The following MAST4 variants were observed in gnomAD, a reference collection of about 807,000 sequenced individuals.
The protein encoded by MAST4 is microtubule associated serine/threonine kinase family member 4, also known as microtubule-associated serine/threonine-protein kinase 4.
In MAST4, 89 loss-of-function variants were observed where a neutral mutation model predicts 162.7. The ratio of observed to expected loss-of-function variants is 0.55; its 90% CI spans 0.46 to 0.65. The LOEUF (loss-of-function observed/expected upper bound fraction) is 0.65. Ranked by LOEUF, MAST4 falls within the 30% of genes least tolerant of loss-of-function variation. MAST4 has a pLI of 0.00. For synonymous variants in MAST4, 1,479 were observed against 1,361.1 expected (o/e 1.09, Z -1.91); for missense variants, 3,153 against 3,374.0 (o/e 0.93, Z 1.62).
intron 6 of MAST4, chr5:67,094,118 T>C: frequency 7.2e-7 from 1 of 1,384,160 alleles, no homozygotes; most frequent in Non-Finnish European, 9.9e-7. Flanking sequence ...TTCTTTTTTT[T>C]AACATACTTG....
chr5:66,884,288 G>C (rs1437635119), intron 3 of MAST4, among the ~76,000 whole-genome samples: 1 of 152,126 alleles, frequency 6.6e-6, no homozygotes, highest in African/African-American at 2.4e-5. Flanking sequence ...AATCCTTTAA[G>C]CTATTTTTAA....
intron 4 of MAST4, among the ~76,000 whole-genome samples, chr5:66,983,151 C>G (rs73766114): frequency 0.026 from 4,014 of 152,304 alleles, 189 homozygotes; most frequent in African/African-American, 0.086. Context: ...TTGTGCTCAT[C>G]ATACCTATAT....
chr5:66,917,494 A>C (rs957904434), intron 4 of MAST4: 4 of 152,196 alleles, frequency 2.6e-5, no homozygotes, highest in Non-Finnish European at 5.9e-5. Flanking sequence ...GTCCACCCCA[A>C]GGTCATGCAG....
intron 1 of MAST4, among the ~76,000 whole-genome samples, chr5:66,657,612 C>T (rs1746635720): frequency 6.6e-6 from 1 of 152,174 alleles, no homozygotes; most frequent in Admixed American, 6.5e-5. Flanking sequence ...GAATTTGCTT[C>T]TGTAAATGTA....
intron 1 of MAST4, among the ~76,000 whole-genome samples, chr5:66,664,900 GACTC>G (rs1485055626): frequency 2.0e-5 from 3 of 152,178 alleles, no homozygotes; most frequent in Non-Finnish European, 4.4e-5. Flanking sequence ...AGGAAGATTA[GACTC>G]ACCTGAAAAG....
chr5:67,150,538 T>A (rs1311255300), intron 24 of MAST4, among the ~76,000 whole-genome samples: 1 of 152,186 alleles, frequency 6.6e-6, no homozygotes, highest in Non-Finnish European at 1.5e-5. Context: ...GTGTGACTCT[T>A]CATAAGCTGA....
In MAST4 at chr5:67,166,314, T is replaced by A. The variant is rs779889009; in HGVS notation, c.7135T>A (p.Tyr2379Asn). ...AEGKKCTEAL[Y>N]APAEGDKLEA... ...AGGGAAGAAATGCACTGAAGCACTT[T>A]ATGCTCCAGCAGAGGGCGACAAGCT... is the stretch of plus-strand genomic sequence containing the variant. Residue 2379 changes from tyrosine to asparagine, a missense_variant, in exon 29 of 29, where the codon TAT (tyrosine) becomes AAT (asparagine). This residue lies in a region of MAST4 where 1,644 missense variants were observed against 1,495.0 expected (regional missense o/e 1.10). Coordinates refer to ENST00000403625, the MANE Select transcript of MAST4 (RefSeq NM_001164664.2). The A allele has an allele frequency of 3.8e-6, 6 of 1,583,422 alleles. No homozygotes were observed. The South Asian group carries it at 6.9e-5, about 18-fold the overall frequency.
chr5:66,939,037 G>A (rs189683328), intron 4 of MAST4, among the ~76,000 whole-genome samples: 17 of 152,248 alleles, frequency 1.1e-4, no homozygotes, highest in Admixed American at 3.3e-4. Context: ...AATATAATGT[G>A]CATTTGCAAT....
intron 4 of MAST4, among the ~76,000 whole-genome samples, chr5:67,009,438 T>C (rs1028155291): frequency 6.6e-6 from 1 of 152,134 alleles, no homozygotes; most frequent in Non-Finnish European, 1.5e-5. Flanking sequence ...TGCACAGTGG[T>C]TAAGAGGGTC....
intron 4 of MAST4, among the ~76,000 whole-genome samples, chr5:66,924,104 CCTGA>C (rs1764720140): frequency 6.6e-6 from 1 of 152,144 alleles, no homozygotes; most frequent in Non-Finnish European, 1.5e-5. Flanking sequence ...ATCTCATCTT[CCTGA>C]CTCATCAGAT....
chr5:66,598,936 A>G (rs1159602674), intron 1 of MAST4, among the ~76,000 whole-genome samples: 1 of 152,216 alleles, frequency 6.6e-6, no homozygotes, highest in African/African-American at 2.4e-5. Flanking sequence ...ATGCAGTGAG[A>G]ACTGGTTGAT....
chr5:66,651,374 G>C (rs560194031), intron 1 of MAST4, among the ~76,000 whole-genome samples: 20 of 151,992 alleles, frequency 1.3e-4, no homozygotes, highest in African/African-American at 4.8e-4. Context: ...TCCCCCTGAG[G>C]ACCTTCGTCT....
At chr5:67,141,396 A>G (rs982314458) in intron 19 of MAST4, among the ~76,000 whole-genome samples, 1 of 152,062 alleles carries the variant, frequency 6.6e-6, no homozygotes, top group Admixed American at 6.6e-5. Context: ...TTCTCTTTAT[A>G]TGGGGTATGG....
At position 66,911,569 on chromosome 5, in the gene MAST4, CCCCCCCG is replaced by C. The variant is rs1431067826; in HGVS notation, c.674+11589_674+11595del. ...AACAAACAACAACAACCCCCCCCCC[CCCCCCCG>C]CAAAAAAAAATTAGCTAGGCATGGT... is the stretch of plus-strand genomic sequence containing the variant. On this transcript the variant is annotated intron_variant, in intron 4 of 28. Transcript: ENST00000403625. Among the ~76,000 whole-genome samples the C allele has an allele frequency of 3.2e-3, 277 of 86,452 alleles. 7 individuals carry two copies. The highest frequency in any genetic ancestry group is 0.01 in the African/African-American group (264 of 26,098). 56.7% of individuals were successfully genotyped at this position (86,452 alleles called of 152,430 possible).
At chr5:66,787,851 A>G (rs1404736490) in intron 2 of MAST4, among the ~76,000 whole-genome samples, 1 of 152,192 alleles carries the variant, frequency 6.6e-6, no homozygotes, top group African/African-American at 2.4e-5. Context: ...TATTGGGGCA[A>G]AGCAGATGAA....
At chr5:66,847,507 G>C (rs753731218) in intron 3 of MAST4, among the ~76,000 whole-genome samples, 49 of 152,232 alleles carry the variant, frequency 3.2e-4, no homozygotes, top group Middle Eastern at 3.4e-3. Context: ...GGTAGTGGAC[G>C]CCTGTAATTC....
rs371225884 is a variant in MAST4, at chr5:66,796,933, A to C, written c.642+8139A>C. On this transcript the variant is annotated intron_variant, in intron 3 of 28. Coordinates refer to ENST00000403625, the MANE Select transcript of MAST4 (RefSeq NM_001164664.2). ...ATGAAAGGAACACTGAGGAGATCTT[A>C]ATTCTGTTTCTGTCATTTTCAGAGG... Among the ~76,000 whole-genome samples, 9 of 152,244 alleles carry C rather than the reference A, an allele frequency of 5.9e-5. No homozygotes were observed. In the East Asian group the frequency reaches 7.7e-4, roughly 13 times the overall value.
chr5:66,821,470 G>T (rs566458288), intron 3 of MAST4, among the ~76,000 whole-genome samples: 1 of 152,244 alleles, frequency 6.6e-6, no homozygotes, highest in Middle Eastern at 3.4e-3. Flanking sequence ...GTTTCCAGGT[G>T]TCATTTTACT....
chr5:67,118,267 A>G (rs1255144921), intron 12 of MAST4, among the ~76,000 whole-genome samples: 2 of 152,212 alleles, frequency 1.3e-5, no homozygotes, highest in South Asian at 2.1e-4. Flanking sequence ...AACACGAGAT[A>G]TGCACCACAA....
Sources: allele counts gnomAD v4.1 joint callset (sites outside exome capture counted in the v4.1 genomes callset), GRCh38; gene constraint gnomAD v4.1.1; regional missense constraint gnomAD v4.1.1; transcripts MANE v1.5; gene names NCBI Gene and HGNC (gene_info 2026-07-23, HGNC 2026-07-21).